FOXN4: variants seen among roughly 807,000 people sequenced by gnomAD.
The protein encoded by FOXN4 is forkhead box N4.
A neutral mutation model predicts 45.0 loss-of-function variants in FOXN4; 12 were observed. That is an observed-to-expected ratio of 0.27 (90% CI 0.17 to 0.43). FOXN4 has a LOEUF of 0.43. Ranked by LOEUF, FOXN4 falls within the 20% of genes least tolerant of loss-of-function variation. FOXN4 has a pLI of 1.00. For synonymous variants in FOXN4, 297 were observed against 295.0 expected, an observed-to-expected ratio of 1.01 and a Z score of -0.07; for missense variants, 560 against 694.9, an observed-to-expected ratio of 0.81 and a Z score of 2.18.
At chr12:109,308,373 G>T in intron 1 of FOXN4, 49 bp from the exon 2 acceptor site, 1 of 1,341,040 alleles carries the variant, frequency 7.5e-7, no homozygotes, top group South Asian at 1.3e-5. Context: ...CGACGATATG[G>T]ACAGGGCAGA....
Position 109,291,517 on chromosome 12 carries a change from C to T in FOXN4, c.87-1231G>A, listed in dbSNP as rs2047768208. The stretch of plus-strand genomic sequence containing the variant: ...GCGCCTCTCGGAGGCTCCAGCAAAG[C>T]CCGGCCCCTTCCCTCCCTCCATCTG... On this transcript the variant is annotated intron_variant, in intron 2 of 9. Coordinates refer to ENST00000299162, the MANE Select transcript of FOXN4 (RefSeq NM_213596.3). The surrounding 1 kb of genome is among the most constrained non-coding windows in gnomAD (Gnocchi z 6.6). 6.6e-6 allele frequency among the ~76,000 whole-genome samples: 1 copy of T among 152,140 alleles called. No homozygotes were observed. The highest frequency in any genetic ancestry group is 1.5e-5 in the Non-Finnish European group (1 of 68,022).
At chr12:109,285,244 CGTGTGTGTGTGTGTGTGT>C (rs56261774) in intron 8 of FOXN4, 42 bp downstream of exon 8, 2 of 1,353,240 alleles carry the variant, frequency 1.5e-6, no homozygotes, top group East Asian at 2.7e-5. Context: ...CTTCCTCTTC[CGTGTGTGTGTGTGTGTGT>C]GTGTGTGTGT....
chr12:109,279,983 G>A (rs777544908), intron 9 of FOXN4, 53 bp from the exon 10 acceptor site: 2 of 1,604,728 alleles, frequency 1.2e-6, no homozygotes, highest in Non-Finnish European at 1.7e-6. Flanking sequence ...AATGACCTGA[G>A]TTCGAATCCC....
chr12:109,279,337 G>A lies in FOXN4; in HGVS notation c.*334C>T, dbSNP rs773276762. On this transcript the variant is annotated 3_prime_UTR_variant, in exon 10 of 10. Coordinates refer to ENST00000299162, the MANE Select transcript of FOXN4 (RefSeq NM_213596.3). ...ACTGAGGTCACGCAGCCAGGATCCA[G>A]GATGGAGAAGTCTCACTCAACACGG... 1.8e-5 allele frequency: 7 copies of A among 382,348 alleles called. No homozygotes were observed. The highest frequency in any genetic ancestry group is 3.7e-5 in the Admixed American group (1 of 26,834). 23.7% of individuals were successfully genotyped at this position (382,348 alleles called of 1,614,324 possible).
At position 109,298,348 on chromosome 12, in the gene FOXN4, T is replaced by G. The variant is rs867592000; in HGVS notation, c.87-8062A>C. Among the ~76,000 whole-genome samples, 129 of 151,744 alleles carry G rather than the reference T, an allele frequency of 8.5e-4. 1 individual carries two copies. Among genetic ancestry groups the G allele is most frequent in the African/African-American group, 2.4e-3 (98 of 41,412 alleles). On this transcript the variant is annotated intron_variant, in intron 2 of 9. Coordinates refer to ENST00000299162, the MANE Select transcript of FOXN4 (RefSeq NM_213596.3). Reference sequence around the variant, plus strand: ...TGTTTCAGGTTTTTTTTTTTTGTTTTTTTTTTTTGCTTTGTTTTGTTTTGT... The same window carrying G: ...TGTTTCAGGTTTTTTTTTTTTGTTTGTTTTTTTTGCTTTGTTTTGTTTTGT...
In FOXN4 at chr12:109,281,817, A is replaced by G. The variant is rs1204489419; in HGVS notation, c.902-18T>C. 5 of 1,547,866 alleles carry G rather than the reference A, an allele frequency of 3.2e-6. No homozygotes were observed. Among genetic ancestry groups the G allele is most frequent in the Non-Finnish European group, 4.3e-6 (5 of 1,151,750 alleles). ...CAACTCCTCTGCAGGCAAGTGGGAGAGGTCACTCAGAACCCACCCAGCAGT... is the reference window on the plus strand; with the variant it reads ...CAACTCCTCTGCAGGCAAGTGGGAGGGGTCACTCAGAACCCACCCAGCAGT... On this transcript the variant is annotated intron_variant, in intron 8 of 9. Coordinates refer to ENST00000299162, the MANE Select transcript of FOXN4 (RefSeq NM_213596.3).
chr12:109,279,813 C>A lies in FOXN4; in HGVS notation c.1412G>T (p.Gly471Val). 1 of 1,612,410 alleles carries A rather than the reference C, an allele frequency of 6.2e-7. No homozygotes were observed. Among genetic ancestry groups the A allele is most frequent in the Non-Finnish European group, 8.5e-7 (1 of 1,179,206 alleles). ...GASGLTPASG[G>V]SDQSFPDLQV... The stretch of plus-strand genomic sequence containing the variant: ...CAAGTCTGGGAAGGACTGGTCGCTG[C>A]CACCCGAGGCAGGGGTTAGGCCTGA... Residue 471 changes from glycine (G) to valine (V), a missense_variant, in exon 10 of 10, where the codon GGC (glycine) becomes GTC (valine). Physicochemically the swap from Gly to Val is moderately radical, Grantham distance 109. This residue lies in a region of FOXN4 where 315 missense variants were observed against 350.5 expected (regional missense o/e 0.90). Coordinates refer to ENST00000299162, the MANE Select transcript of FOXN4 (RefSeq NM_213596.3).
chr12:109,284,557 ACGTGTGTGTGCGTG>A (rs1432838616), intron 8 of FOXN4, among the ~76,000 whole-genome samples: 3 of 144,166 alleles, frequency 2.1e-5, no homozygotes, highest in African/African-American at 5.4e-5. Context: ...GTGTGTGCGC[ACGTGTGTGTGCGTG>A]CGTGTGTGTG....
chr12:109,302,494 T>C (rs779598444), intron 2 of FOXN4, among the ~76,000 whole-genome samples: 11 of 152,224 alleles, frequency 7.2e-5, no homozygotes, highest in Admixed American at 2.6e-4. Flanking sequence ...AACCCCTTCA[T>C]AGCTGTGTGA....
intron 2 of FOXN4, among the ~76,000 whole-genome samples, chr12:109,300,437 ATGGGATGGCT>A (rs2047859102): frequency 1.3e-5 from 2 of 152,234 alleles, no homozygotes; most frequent in East Asian, 1.9e-4. Context: ...CATTTCACAG[ATGGGATGGCT>A]GAGGCCCAGA....
rs1277800967 is a variant in FOXN4, at chr12:109,309,080, C to A, written c.-4+39G>T. On this transcript the variant is annotated intron_variant, in intron 1 of 9. Transcript: ENST00000299162. The surrounding 1 kb of genome is among the most constrained non-coding windows in gnomAD (Gnocchi z 5.0). ...CTGGAAATGCAATGCCCGGCATTGC[C>A]CGGGAGGAGGGAGCAAAGCCGACCC... The A allele has an allele frequency of 6.6e-6, 1 of 152,108 alleles. No individual in the cohort carries two copies. Among genetic ancestry groups the A allele is most frequent in the African/African-American group, 2.4e-5 (1 of 41,416 alleles). 9.4% of individuals were successfully genotyped at this position (152,108 alleles called of 1,614,324 possible). A position where few individuals can be genotyped will look rare whatever the true frequency, so the allele number is the denominator to read the frequency against.
Position 109,287,854 on chromosome 12 carries a change from C to G in FOXN4, c.458G>C (p.Gly153Ala), listed in dbSNP as rs868076995. The G allele has an allele frequency of 6.5e-7, 1 of 1,549,762 alleles. No homozygotes were observed. Among genetic ancestry groups the G allele is most frequent in the Non-Finnish European group, 8.7e-7 (1 of 1,146,686 alleles). The change falls in exon 5 of 10, where the codon GGT (glycine) becomes GCT (alanine). Residue 153 changes from glycine to alanine, a missense_variant. Around this residue, in one of 5 missense-constraint regions of FOXN4, gnomAD observed 61 missense variants for 59.8 expected, o/e 1.02. Transcript: ENST00000299162. The surrounding 1 kb of genome is among the most constrained non-coding windows in gnomAD (Gnocchi z 4.1). Reference sequence around the variant, plus strand: ...CTGAGCCCTTGGTACCTGCTGGGCACCCGGGGGGAGCGGGAACTGTGGTTG... The same window carrying G: ...CTGAGCCCTTGGTACCTGCTGGGCAGCCGGGGGGAGCGGGAACTGTGGTTG... ...ATQPQFPLPPGAQQCPPVGLY... is the reference protein window; with the variant it reads ...ATQPQFPLPPAAQQCPPVGLY...
chr12:109,285,617 T>C, intron 7 of FOXN4, 106 bp from the exon 8 acceptor site: 1 of 1,175,934 alleles, frequency 8.5e-7, no homozygotes, highest in Non-Finnish European at 1.2e-6. Context: ...GTGGCAGGAG[T>C]AATTTGACAG....
At chr12:109,293,561 G>A (rs1052731956) in intron 2 of FOXN4, among the ~76,000 whole-genome samples, 13 of 152,144 alleles carry the variant, frequency 8.5e-5, no homozygotes, top group African/African-American at 2.9e-4. Context: ...GTAGTGGCAC[G>A]ATCTCGGCTC....
At chr12:109,286,451 T>A (rs2047710893) in intron 7 of FOXN4, among the ~76,000 whole-genome samples, 197 bp downstream of exon 7, 1 of 152,230 alleles carries the variant, frequency 6.6e-6, no homozygotes, top group Non-Finnish European at 1.5e-5. Context: ...CCTCTTCATC[T>A]GTCAGAGCCC....
intron 2 of FOXN4, among the ~76,000 whole-genome samples, chr12:109,303,098 G>T (rs577624778): frequency 6.6e-6 from 1 of 152,268 alleles, no homozygotes; most frequent in South Asian, 2.1e-4. Flanking sequence ...AGTTGGCTTG[G>T]GACTTAGAAT....
intron 8 of FOXN4, among the ~76,000 whole-genome samples, chr12:109,284,915 T>C (rs1202585930): frequency 6.7e-6 from 1 of 149,842 alleles, no homozygotes; most frequent in African/African-American, 2.5e-5. Flanking sequence ...TGTGCATTTG[T>C]GTGTGTGTGC....
intron 2 of FOXN4, among the ~76,000 whole-genome samples, chr12:109,304,723 GCA>G (rs2047906396): frequency 6.6e-6 from 1 of 152,240 alleles, no homozygotes; most frequent in Non-Finnish European, 1.5e-5. Context: ...CCAGGCGGCT[GCA>G]CGAGAGGCTG....
At position 109,278,358 on chromosome 12, in the gene FOXN4, T is replaced by C. The variant is rs2047623814; in HGVS notation, c.*1313A>G. ...GGGGATGGTGCGTGAGGCTGCAGCT[T>C]CTCCAATTTTGTCTCAGCTTTGCTG... On this transcript the variant is annotated 3_prime_UTR_variant, in exon 10 of 10. Coordinates refer to ENST00000299162, the MANE Select transcript of FOXN4 (RefSeq NM_213596.3). 1 of 152,188 alleles carries C rather than the reference T, an allele frequency of 6.6e-6. No homozygotes were observed. The highest frequency in any genetic ancestry group is 2.4e-5 in the African/African-American group (1 of 41,452). The allele number at this position is 152,188 out of a possible 1,614,324, so 9.4% of individuals were successfully genotyped here. A position where few individuals can be genotyped will look rare whatever the true frequency, so the allele number is the denominator to read the frequency against.
Sources: gnomAD v4.1 joint callset for allele counts (sites outside exome capture counted in the v4.1 genomes callset) on GRCh38, gnomAD v4.1.1 for gene constraint, gnomAD v4.1.1 regional missense constraint, Gnocchi (gnomAD v3.1) non-coding constraint, MANE v1.5 for transcripts, NCBI Gene and HGNC (gene_info 2026-07-23, HGNC 2026-07-21) for gene names.